The following TENM3 variants were observed in gnomAD, a reference collection of about 807,000 sequenced individuals.
TENM3 encodes teneurin-3.
In TENM3, 63 loss-of-function variants were observed where a neutral mutation model predicts 255.1. The ratio of observed to expected loss-of-function variants is 0.25; its 90% CI spans 0.20 to 0.30. TENM3 has a LOEUF of 0.30. Among genes scored for constraint, TENM3 ranks in the 10% least tolerant of loss-of-function variants. TENM3 has a pLI of 1.00. For synonymous variants in TENM3, 1,306 were observed against 1,322.3 expected, an observed-to-expected ratio of 0.99 and a Z score of 0.27; for missense variants, 2,929 against 3,461.1, an observed-to-expected ratio of 0.85 and a Z score of 3.86.
At chr4:181,974,751 C>G in the TENM3 span, among the ~76,000 whole-genome samples, 87,809 of 151,462 alleles carry the variant, frequency 0.58, 26,140 homozygotes, top group African/African-American at 0.69. Flanking sequence ...CTGAGCAGAA[C>G]TGATATGATC....
chr4:181,483,546 A>AT, the TENM3 span, among the ~76,000 whole-genome samples: 1 of 152,162 alleles, frequency 6.6e-6, no homozygotes, highest in Non-Finnish European at 1.5e-5. Flanking sequence ...ATTCAGAGGG[A>AT]TTTTTTAATG....
At chr4:182,177,655 A>T (rs970713120) in intron 1 of TENM3, among the ~76,000 whole-genome samples, 4 of 149,792 alleles carry the variant, frequency 2.7e-5, no homozygotes, top group African/African-American at 7.3e-5. Flanking sequence ...TACTTAAGTG[A>T]TGTTGCTTGT....
At chr4:181,601,157 A>G in the TENM3 span, among the ~76,000 whole-genome samples, 1 of 152,282 alleles carries the variant, frequency 6.6e-6, no homozygotes, top group South Asian at 2.1e-4. Context: ...ACCAATGACC[A>G]CAAACTGGGT....
chr4:182,577,829 T>C (rs1745085735), intron 3 of TENM3, among the ~76,000 whole-genome samples: 1 of 152,216 alleles, frequency 6.6e-6, no homozygotes, highest in South Asian at 2.1e-4. Context: ...ATGGTACACA[T>C]AAATATCCTA....
the TENM3 span, among the ~76,000 whole-genome samples, chr4:182,004,049 T>C: frequency 7.9e-5 from 12 of 152,148 alleles, no homozygotes; most frequent in Non-Finnish European, 1.6e-4. Context: ...TGTGTAACCA[T>C]ATTGTAGTTG....
intron 1 of TENM3, among the ~76,000 whole-genome samples, chr4:182,300,205 C>T (rs891611233): frequency 6.6e-6 from 1 of 151,906 alleles, no homozygotes; most frequent in Non-Finnish European, 1.5e-5. Context: ...TGAGCCACCA[C>T]GCCCAGCTCA....
the TENM3 span, among the ~76,000 whole-genome samples, chr4:181,754,499 T>C: frequency 2.6e-5 from 4 of 152,142 alleles, no homozygotes; most frequent in Non-Finnish European, 5.9e-5. Flanking sequence ...ATAAGAAAGA[T>C]TGTGAAATGG....
At chr4:182,201,542 A>T (rs574841045) in intron 1 of TENM3, among the ~76,000 whole-genome samples, 2 of 152,200 alleles carry the variant, frequency 1.3e-5, no homozygotes. Context: ...ATGCTCATTC[A>T]AAATCAGACC....
chr4:181,629,176 C>T, the TENM3 span, among the ~76,000 whole-genome samples: 2 of 152,256 alleles, frequency 1.3e-5, no homozygotes, highest in African/African-American at 4.8e-5. Context: ...GATTTTTGCA[C>T]ATTGATTTTG....
rs753495814 is a variant in TENM3, at chr4:182,729,003, C to A, written c.2407C>A (p.Gln803Lys). ...IDCMDPDCCLQSSCQNQPYCR... is the reference protein window; with the variant it reads ...IDCMDPDCCLKSSCQNQPYCR... ...CTGCATGGATCCCGATTGCTGCCTA[C>A]AGAGTTCCTGCCAGAATCAGCCCTA... The change falls in exon 14 of 28, where the codon CAG becomes AAG. Residue 803 changes from glutamine (Q) to lysine (K), a missense_variant. Physicochemically the swap from Gln to Lys is moderately conservative, Grantham distance 53. Transcript: ENST00000511685. 40 of 1,613,830 alleles carry A rather than the reference C, an allele frequency of 2.5e-5. No homozygotes were observed. The highest frequency in any genetic ancestry group is 3.3e-5 in the Non-Finnish European group (39 of 1,179,892).
At chr4:182,603,079 T>C (rs1748057427) in intron 4 of TENM3, among the ~76,000 whole-genome samples, 1 of 152,212 alleles carries the variant, frequency 6.6e-6, no homozygotes, top group Non-Finnish European at 1.5e-5. Flanking sequence ...AGATGCGTTC[T>C]TGTTATTCGT....
At chr4:182,758,753 G>T (rs1256674250) in intron 22 of TENM3, among the ~76,000 whole-genome samples, 1 of 152,106 alleles carries the variant, frequency 6.6e-6, no homozygotes, top group Non-Finnish European at 1.5e-5. Flanking sequence ...AATGGCCAGA[G>T]TGTCACCAAA....
intron 19 of TENM3, among the ~76,000 whole-genome samples, chr4:182,747,839 C>G (rs1043810713): frequency 3.3e-5 from 5 of 152,186 alleles, no homozygotes; most frequent in South Asian, 4.2e-4. Context: ...AATATCACAC[C>G]CCAAGTCCCT....
At chr4:182,383,220 T>C (rs1767687900) in intron 3 of TENM3, among the ~76,000 whole-genome samples, 1 of 152,122 alleles carries the variant, frequency 6.6e-6, no homozygotes. Context: ...TTGCTGATGG[T>C]AGGCCAAGGA....
chr4:182,601,520 C>CT (rs1378821198), intron 4 of TENM3, among the ~76,000 whole-genome samples: 7 of 152,310 alleles, frequency 4.6e-5, no homozygotes, highest in African/African-American at 1.7e-4. Flanking sequence ...GTGGACATGT[C>CT]TGGCATCTTC....
chr4:181,632,326 T>C, the TENM3 span, among the ~76,000 whole-genome samples: 1 of 151,994 alleles, frequency 6.6e-6, no homozygotes, highest in Non-Finnish European at 1.5e-5. Flanking sequence ...CATGATCCAA[T>C]CACCTCCCAC....
intron 4 of TENM3, among the ~76,000 whole-genome samples, chr4:182,606,216 C>A (rs1748405643): frequency 6.6e-6 from 1 of 152,096 alleles, no homozygotes; most frequent in Non-Finnish European, 1.5e-5. Context: ...ACACTTATCA[C>A]AATATCAAGA....
chr4:181,582,232 C>T, the TENM3 span, among the ~76,000 whole-genome samples: 1 of 152,046 alleles, frequency 6.6e-6, no homozygotes, highest in African/African-American at 2.4e-5. Context: ...GGGCACGGGC[C>T]TGTCTCTCAC....
chr4:181,487,996 G>A, the TENM3 span, among the ~76,000 whole-genome samples: 2 of 152,164 alleles, frequency 1.3e-5, no homozygotes, highest in Non-Finnish European at 2.9e-5. Flanking sequence ...CCAACCAAAT[G>A]AGACCTGAAT....
Sources: gnomAD v4.1 joint callset for allele counts (sites outside exome capture counted in the v4.1 genomes callset) on GRCh38, gnomAD v4.1.1 for gene constraint, MANE v1.5 for transcripts, NCBI Gene and HGNC (gene_info 2026-07-23, HGNC 2026-07-21) for gene names.